Variants in ZSCAN12 observed in about 807,000 individuals in gnomAD.
ZSCAN12 encodes zinc finger and SCAN domain containing 12, also known as zinc finger and SCAN domain-containing protein 12.
ZSCAN12 carries 18 observed loss-of-function variants against 23.4 expected under a neutral mutation model. That is an observed-to-expected ratio of 0.77 (90% CI 0.53 to 1.14). ZSCAN12 has a LOEUF of 1.14. Among genes scored for constraint, ZSCAN12 ranks in the 50% most tolerant of loss-of-function variants. The probability of loss-of-function intolerance (pLI) is 0.00; values close to 1 mark genes in which losing one functional copy is unlikely to be tolerated. For synonymous variants in ZSCAN12, 186 were observed against 253.4 expected (o/e 0.73, Z 2.53); for missense variants, 650 against 735.0 (o/e 0.88, Z 1.34).
chr6:28,396,469 G>A (rs1435531045), intron 2 of ZSCAN12, among the ~76,000 whole-genome samples: 1 of 152,118 alleles, frequency 6.6e-6, no homozygotes, highest in Non-Finnish European at 1.5e-5. Context: ...ACATTGCTCT[G>A]TAAAGAGTTC....
chr6:28,390,666 G>A lies in ZSCAN12; in HGVS notation c.1624C>T (p.Gln542Ter), dbSNP rs1379933735. ...NAFRGITSLI[Q>*]HQRIHTGEKP... ...TCCCCAGTGTGGATTCTCTGATGCT[G>A]AATGAGGCTGGTGATTCCTCGGAAG... The change falls in exon 4 of 4, where the codon CAG becomes TAG. Residue 542 changes from glutamine to a stop codon, truncating the protein, a stop_gained. Coordinates refer to ENST00000684592, the MANE Select transcript of ZSCAN12 (RefSeq NM_001163391.2). LOFTEE classifies it low-confidence loss of function (END_TRUNC). 6.2e-7 allele frequency: 1 copy of A among 1,613,380 alleles called. No individual in the cohort carries two copies. The highest frequency in any genetic ancestry group is 1.3e-5 in the African/African-American group (1 of 74,994).
chr6:28,385,060 T>C lies in ZSCAN12; in HGVS notation c.*5394A>G, dbSNP rs918192890. 7.2e-5 allele frequency among the ~76,000 whole-genome samples: 11 copies of C among 152,206 alleles called. No homozygotes were observed. The highest frequency in any genetic ancestry group is 2.4e-4 in the African/African-American group (10 of 41,452). On this transcript the variant is annotated 3_prime_UTR_variant, in exon 4 of 4. Transcript: ENST00000684592. ...AAGTCTTAAGCAAAGAAAAATATCA[T>C]ATATCACATATATGTGTGTGTGTGC...
At chr6:28,398,857 C>T (rs1291535703) in intron 1 of ZSCAN12, among the ~76,000 whole-genome samples, 2 of 147,512 alleles carry the variant, frequency 1.4e-5, no homozygotes, top group African/African-American at 2.5e-5. Flanking sequence ...GGCGTGAACC[C>T]GGGAGGCGGA....
chr6:28,398,761 CAAAAAAAAAA>C (rs775480746), intron 1 of ZSCAN12, among the ~76,000 whole-genome samples: 1 of 72,784 alleles, frequency 1.4e-5, no homozygotes, highest in Admixed American at 1.6e-4. Context: ...ACTAAAAATA[CAAAAAAAAAA>C]AAAAAAAAAA....
rs1199826698 is a variant in ZSCAN12, at chr6:28,390,874, G to A, written c.1416C>T (p.Asp472=). Residue 472 remains aspartate (D), a synonymous_variant, in exon 4 of 4, where the codon GAC becomes GAT. Transcript: ENST00000684592. ...TTTGAATAAAGGCTTTTTCACATAC[G>A]TCACATTTGTAGGGTTTTTCCCCAG... ...IHTGEKPYKC[D]VCEKAFIQRT... 5.7e-6 allele frequency: 9 copies of A among 1,574,258 alleles called. No individual in the cohort carries two copies. The East Asian group carries it at 7.0e-5, about 12-fold the overall frequency.
In ZSCAN12 at chr6:28,391,367, C is replaced by T. The variant is rs753727398; in HGVS notation, c.923G>A (p.Gly308Glu). 1 of 1,551,714 alleles carries T rather than the reference C, an allele frequency of 6.4e-7. No individual in the cohort carries two copies. Among genetic ancestry groups the T allele is most frequent in the South Asian group, 1.2e-5 (1 of 84,030 alleles). The change falls in exon 4 of 4, where the codon GGA becomes GAA. Residue 308 changes from glycine (G) to glutamate (E), a missense_variant. Coordinates refer to ENST00000684592, the MANE Select transcript of ZSCAN12 (RefSeq NM_001163391.2). This position sits in a 1 kb window ranked among gnomAD's most constrained non-coding sequence, Gnocchi z 4.1. The stretch of plus-strand genomic sequence containing the variant: ...CACAGTTCTCCCACGGAAAGCTTTT[C>T]CACATTCTTCGCATTTGTAGGGTCT... ...GDRPYKCEEC[G>E]KAFRGRTVLI...
intron 2 of ZSCAN12, among the ~76,000 whole-genome samples, chr6:28,396,271 C>A (rs1462948416): frequency 6.6e-6 from 1 of 151,798 alleles, no homozygotes; most frequent in Non-Finnish European, 1.5e-5. Context: ...TGGACCAGAA[C>A]CTACATGAGA....
downstream of ZSCAN12, chr6:28,382,128 C>G (rs1760275754): frequency 6.0e-6 from 1 of 167,590 alleles, no homozygotes; most frequent in African/African-American, 2.4e-5. Flanking sequence ...TTCAAACTCT[C>G]TCTTCAACTT....
At position 28,390,979 on chromosome 6, in the gene ZSCAN12, G is replaced by C; in HGVS notation, c.1311C>G (p.His437Gln). ...CCTTACACTGATAGCATTTTTCTTT[G>C]TGGTGGATTTCCTGATGGGAAACAA... Reference protein sequence around the residue: ...SSLVSHQEIHHKEKCYQCKEC... With the variant: ...SSLVSHQEIHQKEKCYQCKEC... The change falls in exon 4 of 4, where the codon CAC (histidine) becomes CAG (glutamine). Residue 437 changes from histidine (H) to glutamine (Q), a missense_variant. Coordinates refer to ENST00000684592, the MANE Select transcript of ZSCAN12 (RefSeq NM_001163391.2). 6.4e-7 allele frequency: 1 copy of C among 1,555,374 alleles called. No individual in the cohort carries two copies. The highest frequency in any genetic ancestry group is 8.7e-7 in the Non-Finnish European group (1 of 1,149,002).
chr6:28,391,390 T>G lies in ZSCAN12; in HGVS notation c.900A>C (p.Arg300Ser). ...TTCCACATTCTTCGCATTTGTAGGG[T>G]CTATCTCCAGTATGGATCCTCTGAT... ...IEHQRIHTGD[R>S]PYKCEECGKA... Residue 300 changes from arginine (R) to serine (S), a missense_variant, in exon 4 of 4, where the codon AGA becomes AGC. By Grantham distance (110) the Arg-to-Ser change is moderately radical. Coordinates refer to ENST00000684592, the MANE Select transcript of ZSCAN12 (RefSeq NM_001163391.2). The surrounding 1 kb of genome is among the most constrained non-coding windows in gnomAD (Gnocchi z 4.1). 1 of 1,551,744 alleles carries G rather than the reference T, an allele frequency of 6.4e-7. No individual in the cohort carries two copies. Among genetic ancestry groups the G allele is most frequent in the Non-Finnish European group, 8.7e-7 (1 of 1,146,802 alleles).
At position 28,398,011 on chromosome 6, in the gene ZSCAN12, C is replaced by T. The variant is rs542243091; in HGVS notation, c.395G>A (p.Gly132Glu). 6.3e-7 allele frequency: 1 copy of T among 1,587,140 alleles called. No homozygotes were observed. Among genetic ancestry groups the T allele is most frequent in the East Asian group, 2.2e-5 (1 of 44,720 alleles). The change falls in exon 2 of 4, where the codon GGA becomes GAA. Residue 132 changes from glycine to glutamate, a missense_variant. Transcript: ENST00000684592. ...TCACATCTTTTTTCTCACCTGCTCT[C>T]CTGGTTCATCCAGTTCTCTCTCTAA... ...EDLERELDEP[G>E]EQVSVHTGEQ...
downstream of ZSCAN12, chr6:28,382,423 G>A: frequency 2.6e-6 from 4 of 1,517,326 alleles, no homozygotes; most frequent in Non-Finnish European, 3.5e-6. Flanking sequence ...GGAAAGACCT[G>A]TGATTTCTTT....
rs980733651 is a variant in ZSCAN12 at position 28,385,576 on chromosome 6, G to T, written c.*4878C>A. Reference sequence around the variant, plus strand: ...AGGAAGTGTATCACAGAGGTTAAAAGTGTGAACTCTGGAACTGGGCTGCTT... The same window carrying T: ...AGGAAGTGTATCACAGAGGTTAAAATTGTGAACTCTGGAACTGGGCTGCTT... On this transcript the variant is annotated 3_prime_UTR_variant, in exon 4 of 4. Coordinates refer to ENST00000684592, the MANE Select transcript of ZSCAN12 (RefSeq NM_001163391.2). 6.6e-6 allele frequency among the ~76,000 whole-genome samples: 1 copy of T among 152,214 alleles called. No homozygotes were observed. The highest frequency in any genetic ancestry group is 1.5e-5 in the Non-Finnish European group (1 of 68,046).
At chr6:28,384,662 C>T (rs1760453648), downstream of ZSCAN12, among the ~76,000 whole-genome samples, 1 of 152,106 alleles carries the variant, frequency 6.6e-6, no homozygotes, top group Non-Finnish European at 1.5e-5. Flanking sequence ...TCATAGTTGG[C>T]TTTGTCAACA....
chr6:28,398,536 GAACTT>G lies in ZSCAN12; in HGVS notation c.-68-68_-68-64del, dbSNP rs760304342. ...CATAAAGTAAAACTGCAAATTCTGA[GAACTT>G]AACTATGACCTTTGAAATCTGACCT... On this transcript the variant is annotated intron_variant, in intron 1 of 3. Transcript: ENST00000684592. 771 of 903,744 alleles carry G rather than the reference GAACTT, an allele frequency of 8.5e-4. 1 individual carries two copies. Among genetic ancestry groups the G allele is most frequent in the Middle Eastern group, 1.3e-3 (4 of 3,140 alleles). The allele number at this position is 903,744 out of a possible 1,614,324, so 56.0% of individuals were successfully genotyped here.
chr6:28,396,940 A>G (rs1473268338), intron 2 of ZSCAN12, among the ~76,000 whole-genome samples: 1 of 152,070 alleles, frequency 6.6e-6, no homozygotes, highest in Non-Finnish European at 1.5e-5. Context: ...TTTTTGCCAC[A>G]TGTTCCTACC....
chr6:28,391,078 A>T lies in ZSCAN12; in HGVS notation c.1212T>A (p.His404Gln). The change falls in exon 4 of 4, where the codon CAT (histidine) becomes CAA (glutamine). Residue 404 changes from histidine (H) to glutamine (Q), a missense_variant. Transcript: ENST00000684592. The surrounding 1 kb of genome is among the most constrained non-coding windows in gnomAD (Gnocchi z 4.1). ...SFSRRSILTQ[H>Q]QGVHTGAKPY... The stretch of plus-strand genomic sequence containing the variant: ...GCTTGGCGCCGGTATGAACTCCTTG[A>T]TGCTGAGTAAGTATGGAACGCCGAC... 6.4e-7 allele frequency: 1 copy of T among 1,552,886 alleles called. No homozygotes were observed. The highest frequency in any genetic ancestry group is 2.0e-5 in the Admixed American group (1 of 51,044).
At position 28,398,057 on chromosome 6, in the gene ZSCAN12, C is replaced by G. The variant is rs772148780; in HGVS notation, c.349G>C (p.Val117Leu). 1 of 1,612,932 alleles carries G rather than the reference C, an allele frequency of 6.2e-7. No individual in the cohort carries two copies. The highest frequency in any genetic ancestry group is 1.7e-5 in the Admixed American group (1 of 59,928). The change falls in exon 2 of 4, where the codon GTG becomes CTG. Residue 117 changes from valine to leucine, a missense_variant. By Grantham distance (32) the Val-to-Leu change is conservative. Coordinates refer to ENST00000684592, the MANE Select transcript of ZSCAN12 (RefSeq NM_001163391.2). ...QEQHPESGEEVVTVLEDLERE... is the reference protein window; with the variant it reads ...QEQHPESGEELVTVLEDLERE... Reference sequence around the variant, plus strand: ...TCTAAATCCTCCAGCACAGTCACCACCTCCTCCCCACTCTCTGGATGCTGC... The same window carrying G: ...TCTAAATCCTCCAGCACAGTCACCAGCTCCTCCCCACTCTCTGGATGCTGC...
chr6:28,392,252 A>G (rs1336405596), intron 3 of ZSCAN12, among the ~76,000 whole-genome samples: 5 of 149,372 alleles, frequency 3.3e-5, no homozygotes. Flanking sequence ...ATGTCAGCTC[A>G]CTGCAACCTC....
Sources: allele counts gnomAD v4.1 joint callset (sites outside exome capture counted in the v4.1 genomes callset), GRCh38; gene constraint gnomAD v4.1.1; non-coding constraint Gnocchi (gnomAD v3.1); transcripts MANE v1.5; gene names NCBI Gene and HGNC (gene_info 2026-07-23, HGNC 2026-07-21).